CLDN11: variants seen among roughly 807,000 people sequenced by gnomAD.
CLDN11 encodes claudin-11.
CLDN11 carries 1 observed loss-of-function variant against 18.0 expected under a neutral mutation model. The ratio of observed to expected loss-of-function variants is 0.06; its 90% CI spans 0.02 to 0.26. CLDN11 has a LOEUF of 0.26. Ranked by LOEUF, CLDN11 falls within the 10% of genes least tolerant of loss-of-function variation. CLDN11 has a pLI of 1.00. For synonymous variants in CLDN11, 116 were observed against 121.5 expected, an observed-to-expected ratio of 0.96 and a Z score of 0.30; for missense variants, 172 against 276.6, an observed-to-expected ratio of 0.62 and a Z score of 2.68.
chr3:170,431,344 C>T (rs1353245400), intron 2 of CLDN11, among the ~76,000 whole-genome samples: 1 of 152,116 alleles, frequency 6.6e-6, no homozygotes, highest in Non-Finnish European at 1.5e-5. Flanking sequence ...ATGGAAACCT[C>T]ATTGTTATTA....
chr3:170,419,332 C>T lies in CLDN11; in HGVS notation c.226+40C>T. The T allele has an allele frequency of 1.4e-6, 2 of 1,439,598 alleles. No individual in the cohort carries two copies. The highest frequency in any genetic ancestry group is 9.5e-7 in the Non-Finnish European group (1 of 1,049,968). The allele number at this position is 1,439,598 out of a possible 1,614,324, so 89.2% of individuals were successfully genotyped here. A position where few individuals can be genotyped will look rare whatever the true frequency, so the allele number is the denominator to read the frequency against. On this transcript the variant is annotated intron_variant, in intron 1 of 2. Transcript: ENST00000064724. This position sits in a 1 kb window ranked among gnomAD's most constrained non-coding sequence, Gnocchi z 8.6. ...TTGGCGGCGGCTCCCAAATCCTTAT[C>T]CTCTGGGTAGAGAGCGGGATATTAG...
At chr3:170,431,342 C>T (rs1305627638) in intron 2 of CLDN11, among the ~76,000 whole-genome samples, 3 of 152,080 alleles carry the variant, frequency 2.0e-5, no homozygotes, top group Non-Finnish European at 1.5e-5. Context: ...TGATGGAAAC[C>T]TCATTGTTAT....
chr3:170,420,812 A>C (rs1738707211), intron 1 of CLDN11, among the ~76,000 whole-genome samples: 1 of 152,178 alleles, frequency 6.6e-6, no homozygotes, highest in Non-Finnish European at 1.5e-5. Context: ...TCCGGCATCC[A>C]GGACTCACAA....
intron 2 of CLDN11, among the ~76,000 whole-genome samples, chr3:170,428,828 T>TAAAAAG (rs2108247508): frequency 6.6e-6 from 1 of 152,344 alleles, no homozygotes; most frequent in South Asian, 2.1e-4. Flanking sequence ...TCTGATGATA[T>TAAAAAG]AAAAAGAAAA....
At chr3:170,421,321 T>C (rs1738717765) in intron 1 of CLDN11, 1 of 985,482 alleles carries the variant, frequency 1.0e-6, no homozygotes, top group Non-Finnish European at 1.2e-6. Context: ...GCATTGCCAG[T>C]TGACTGCCTG....
chr3:170,423,246 C>G lies in CLDN11; in HGVS notation c.310C>G (p.Pro104Ala), dbSNP rs752914712. ...PAILLLLTVL[P>A]CIRMGQEPGV... is the part of the protein sequence containing the mutation. ...CATTTTACTGCTGCTGACTGTTCTTCCCTGCATCCGGATGGGCCAGGAGCC... is the reference window on the plus strand; with the variant it reads ...CATTTTACTGCTGCTGACTGTTCTTGCCTGCATCCGGATGGGCCAGGAGCC... The change falls in exon 2 of 3, where the codon CCC becomes GCC. Residue 104 changes from proline (P) to alanine (A), a missense_variant. Pro to Ala is a conservative substitution (Grantham distance 27). Around this residue, in one of 3 missense-constraint regions of CLDN11, gnomAD observed 161 missense variants for 240.3 expected, o/e 0.67. Coordinates refer to ENST00000064724, the MANE Select transcript of CLDN11 (RefSeq NM_005602.6). 1.9e-6 allele frequency: 3 copies of G among 1,614,214 alleles called. No homozygotes were observed. Among genetic ancestry groups the G allele is most frequent in the Non-Finnish European group, 2.5e-6 (3 of 1,180,044 alleles).
intron 1 of CLDN11, among the ~76,000 whole-genome samples, chr3:170,420,967 T>C (rs1007535631): frequency 1.3e-5 from 2 of 152,248 alleles, no homozygotes; most frequent in African/African-American, 2.4e-5. Context: ...AGATAGTAGA[T>C]GCTTCATGAA....
rs1203178408 is a variant in CLDN11, at chr3:170,433,916, A to G, written c.*1160A>G. The G allele has an allele frequency of 3.9e-5, 6 of 152,500 alleles. No individual in the cohort carries two copies. Among genetic ancestry groups the G allele is most frequent in the Non-Finnish European group, 5.9e-5 (4 of 68,022 alleles). The allele number at this position is 152,500 out of a possible 1,614,324, so 9.4% of individuals were successfully genotyped here. On this transcript the variant is annotated 3_prime_UTR_variant, in exon 3 of 3. Coordinates refer to ENST00000064724, the MANE Select transcript of CLDN11 (RefSeq NM_005602.6). Reference sequence around the variant, plus strand: ...AAAGCTTTCCCCCACTTTTCTCTCTATTTGTATTGTTAGCCATCTTGAAGT... The same window carrying G: ...AAAGCTTTCCCCCACTTTTCTCTCTGTTTGTATTGTTAGCCATCTTGAAGT...
At chr3:170,421,214 G>A in intron 1 of CLDN11, 2 of 899,744 alleles carry the variant, frequency 2.2e-6, no homozygotes, top group Non-Finnish European at 2.7e-6. Context: ...TACTTTGGGT[G>A]GAGGCAGGAA....
chr3:170,423,674 AT>A lies in CLDN11; in HGVS notation c.391+349del, dbSNP rs560530029. The A allele has an allele frequency of 3.7e-3, 778 of 210,032 alleles. 7 individuals carry two copies. The highest frequency in any genetic ancestry group is 0.017 in the African/African-American group (749 of 44,586). The allele number at this position is 210,032 out of a possible 1,614,324, so 13.0% of individuals were successfully genotyped here. A position where few individuals can be genotyped will look rare whatever the true frequency, so the allele number is the denominator to read the frequency against. ...TATGCCCAGGTCCCACAGCAGATCA[AT>A]TGAATCAGAATTTTCTGGGCATCAG... On this transcript the variant is annotated intron_variant, in intron 2 of 2. Coordinates refer to ENST00000064724, the MANE Select transcript of CLDN11 (RefSeq NM_005602.6).
At chr3:170,425,673 G>T (rs1397349985) in intron 2 of CLDN11, among the ~76,000 whole-genome samples, 2 of 152,156 alleles carry the variant, frequency 1.3e-5, no homozygotes, top group Non-Finnish European at 2.9e-5. Flanking sequence ...GGGGAAGCAG[G>T]ACATGGAGGG....
intron 2 of CLDN11, among the ~76,000 whole-genome samples, chr3:170,426,493 C>T (rs7643214): frequency 0.79 from 119,566 of 152,088 alleles, 47,548 homozygotes; most frequent in East Asian, 0.99. Flanking sequence ...ATCTTATCAG[C>T]TGGAGTCAGA....
At position 170,419,246 on chromosome 3, in the gene CLDN11, G is replaced by T. The variant is rs1738662646; in HGVS notation, c.180G>T (p.Thr60=). The T allele has an allele frequency of 6.3e-7, 1 of 1,575,730 alleles. No individual in the cohort carries two copies. Among genetic ancestry groups the T allele is most frequent in the East Asian group, 2.4e-5 (1 of 42,342 alleles). Reference sequence around the variant, plus strand: ...TGTGGGCCGACTGCGTCATGGCCACGGGGCTGTACCACTGCAAGCCCCTGG... The same window carrying T: ...TGTGGGCCGACTGCGTCATGGCCACTGGGCTGTACCACTGCAAGCCCCTGG... The part of the protein sequence containing the change: ...KGLWADCVMA[T]GLYHCKPLVD... Residue 60 remains threonine, a synonymous_variant, in exon 1 of 3, where the codon ACG becomes ACT. Transcript: ENST00000064724. This position sits in a 1 kb window ranked among gnomAD's most constrained non-coding sequence, Gnocchi z 8.6.
intron 2 of CLDN11, among the ~76,000 whole-genome samples, chr3:170,431,024 G>C (rs1738991192): frequency 1.3e-5 from 2 of 152,140 alleles, no homozygotes; most frequent in Non-Finnish European, 2.9e-5. Flanking sequence ...TACCCAGCTT[G>C]TGGGGGTGGG....
chr3:170,424,758 AGG>A (rs1738805490), intron 2 of CLDN11, among the ~76,000 whole-genome samples: 1 of 152,176 alleles, frequency 6.6e-6, no homozygotes, highest in South Asian at 2.1e-4. Flanking sequence ...ATAAGGGGTC[AGG>A]GTTCTGTGTG....
intron 2 of CLDN11, among the ~76,000 whole-genome samples, chr3:170,426,817 T>C (rs967786443): frequency 6.6e-6 from 1 of 152,210 alleles, no homozygotes. Context: ...ACCTTTGCTC[T>C]GTCGCCCAGG....
intron 1 of CLDN11, among the ~76,000 whole-genome samples, chr3:170,421,614 C>G (rs575655251): frequency 6.6e-6 from 1 of 152,228 alleles, no homozygotes; most frequent in East Asian, 1.9e-4. Context: ...AGATTCCTGG[C>G]TTTGCTATGA....
intron 1 of CLDN11, among the ~76,000 whole-genome samples, chr3:170,420,477 C>G (rs1738697805): frequency 6.6e-6 from 1 of 152,178 alleles, no homozygotes; most frequent in South Asian, 2.1e-4. Context: ...GAATCTGAAT[C>G]CCTCCTTTCT....
intron 2 of CLDN11, among the ~76,000 whole-genome samples, chr3:170,430,403 A>C (rs1332740160): frequency 6.6e-6 from 1 of 152,204 alleles, no homozygotes; most frequent in Non-Finnish European, 1.5e-5. Flanking sequence ...GCTTTTCTTG[A>C]ACATTCTAGT....
Sources: gnomAD v4.1 joint callset for allele counts (sites outside exome capture counted in the v4.1 genomes callset) on GRCh38, gnomAD v4.1.1 for gene constraint, gnomAD v4.1.1 regional missense constraint, Gnocchi (gnomAD v3.1) non-coding constraint, MANE v1.5 for transcripts, NCBI Gene and HGNC (gene_info 2026-07-23, HGNC 2026-07-21) for gene names.